The following LRBA variants were observed in gnomAD, a reference collection of about 807,000 sequenced individuals.
LRBA encodes LPS responsive beige-like anchor protein.
Under a neutral mutation model 330.0 loss-of-function variants are expected in LRBA, and 176 were observed. The ratio of observed to expected loss-of-function variants is 0.53; its 90% CI spans 0.47 to 0.60. The LOEUF is 0.60. Among genes scored for constraint, LRBA ranks in the 20% least tolerant of loss-of-function variants. The pLI is 0.00. For missense variants in LRBA, 3,259 were observed against 3,444.8 expected (o/e 0.95, Z 1.35); for synonymous variants, 1,230 against 1,193.0 (o/e 1.03, Z -0.64).
At chr4:150,503,640 A>G (rs1292169415) in intron 40 of LRBA, among the ~76,000 whole-genome samples, 1 of 152,194 alleles carries the variant, frequency 6.6e-6, no homozygotes, top group African/African-American at 2.4e-5. Context: ...AAAGATGGGG[A>G]AAAAACAGAG....
chr4:150,567,297 C>A (rs1371686447), intron 40 of LRBA, among the ~76,000 whole-genome samples: 1 of 151,978 alleles, frequency 6.6e-6, no homozygotes, highest in East Asian at 1.9e-4. Flanking sequence ...ACAAGATGCT[C>A]TTTTGAAAAT....
intron 2 of LRBA, among the ~76,000 whole-genome samples, chr4:150,995,553 T>TCC (rs1193024315): frequency 2.0e-4 from 31 of 152,132 alleles, no homozygotes; most frequent in African/African-American, 7.0e-4. Context: ...TGTTTCTGGA[T>TCC]AGAAACATTA....
chr4:150,612,835 A>G (rs1329521275), intron 37 of LRBA, among the ~76,000 whole-genome samples: 1 of 152,214 alleles, frequency 6.6e-6, no homozygotes, highest in Non-Finnish European at 1.5e-5. Flanking sequence ...CCATAAGAAA[A>G]GTAAAAACCC....
intron 47 of LRBA, among the ~76,000 whole-genome samples, chr4:150,362,197 A>C (rs1264922838): frequency 6.6e-6 from 1 of 152,132 alleles, no homozygotes; most frequent in African/African-American, 2.4e-5. Context: ...TAGGTCCTTC[A>C]TCTAGTCAGC....
At chr4:150,357,864 T>C (rs1007268364) in intron 47 of LRBA, among the ~76,000 whole-genome samples, 7 of 152,084 alleles carry the variant, frequency 4.6e-5, no homozygotes, top group Admixed American at 2.6e-4. Context: ...CCATGAAATT[T>C]CAAATACTTG....
At chr4:150,607,132 T>TA (rs1298529605) in intron 37 of LRBA, among the ~76,000 whole-genome samples, 1 of 152,062 alleles carries the variant, frequency 6.6e-6, no homozygotes. Context: ...AAAGCTAAGG[T>TA]AAAAAACATA....
Position 150,815,463 on chromosome 4 carries a change from C to A in LRBA, c.5305+1661G>T, listed in dbSNP as rs141631714. Among the ~76,000 whole-genome samples, 90 of 151,724 alleles carry A rather than the reference C, an allele frequency of 5.9e-4. No individual in the cohort carries two copies. The East Asian group carries it at 0.016, about 28-fold the overall frequency. On this transcript the variant is annotated intron_variant, in intron 31 of 56. Transcript: ENST00000651943. ...TTCTCACTGGGCCAGGGGAAACCAG[C>A]GAGGGAGAGAATGACAGGGTATTTG...
rs1307324134 is a variant in LRBA, at chr4:150,806,981, T to C, written c.5385-577A>G. On this transcript the variant is annotated intron_variant, in intron 32 of 56. Coordinates refer to ENST00000651943, the MANE Select transcript of LRBA (RefSeq NM_001364905.1). ...AAAACTATCATTTGGTTGATAGTTA[T>C]ATTTATTAATAAACTGAGATAGTTG... is the stretch of plus-strand genomic sequence containing the variant. Among the ~76,000 whole-genome samples, 5 of 151,662 alleles carry C rather than the reference T, an allele frequency of 3.3e-5. No individual in the cohort carries two copies. The East Asian group carries it at 5.8e-4, about 18-fold the overall frequency.
chr4:150,981,847 C>T (rs1236494931), intron 2 of LRBA, among the ~76,000 whole-genome samples: 1 of 151,632 alleles, frequency 6.6e-6, no homozygotes, highest in African/African-American at 2.4e-5. Context: ...CCTGTAGTCC[C>T]AGCTACTTGG....
At chr4:150,349,220 TG>T (rs1736814765) in intron 48 of LRBA, among the ~76,000 whole-genome samples, 1 of 152,126 alleles carries the variant, frequency 6.6e-6, no homozygotes, top group East Asian at 1.9e-4. Flanking sequence ...TAGGGAAAAA[TG>T]GCAAATCTCA....
chr4:150,324,188 A>G lies in LRBA; in HGVS notation c.7452+1621T>C, dbSNP rs779114887. Among the ~76,000 whole-genome samples, 4 of 152,310 alleles carry G rather than the reference A, an allele frequency of 2.6e-5. No individual in the cohort carries two copies. In the South Asian group the frequency reaches 8.3e-4, roughly 32 times the overall value. On this transcript the variant is annotated intron_variant, in intron 49 of 56. Coordinates refer to ENST00000651943, the MANE Select transcript of LRBA (RefSeq NM_001364905.1). ...GCCAATAAGCCTCTGCCATGGAAGA[A>G]GGCTGGGCAGTGACCCCAGCAGAAA...
chr4:150,437,650 A>G (rs918564593), intron 44 of LRBA, among the ~76,000 whole-genome samples: 2 of 151,736 alleles, frequency 1.3e-5, no homozygotes, highest in Non-Finnish European at 2.9e-5. Context: ...GCAATATAGC[A>G]ACATGGTGAA....
At chr4:150,384,606 G>A (rs1170734691) in intron 47 of LRBA, among the ~76,000 whole-genome samples, 2 of 152,032 alleles carry the variant, frequency 1.3e-5, no homozygotes, top group Non-Finnish European at 2.9e-5. Flanking sequence ...AATACCTTCA[G>A]GGAATTACGA....
intron 50 of LRBA, among the ~76,000 whole-genome samples, chr4:150,318,957 A>G (rs1732101482): frequency 6.6e-6 from 1 of 152,142 alleles, no homozygotes; most frequent in Non-Finnish European, 1.5e-5. Context: ...TCTACCCCTA[A>G]ATCACTTTAC....
chr4:150,528,100 T>G (rs1232890414), intron 40 of LRBA, among the ~76,000 whole-genome samples: 1 of 152,186 alleles, frequency 6.6e-6, no homozygotes, highest in Non-Finnish European at 1.5e-5. Context: ...ATCTGATGCT[T>G]GAATGATGAC....
At position 150,438,308 on chromosome 4, in the gene LRBA, C is replaced by T. The variant is rs116896571; in HGVS notation, c.6781-1444G>A. Among the ~76,000 whole-genome samples the T allele has an allele frequency of 5.1e-3, 769 of 152,110 alleles. 22 individuals carry two copies. Among genetic ancestry groups the T allele is most frequent in the Admixed American group, 0.035 (538 of 15,262 alleles). On this transcript the variant is annotated intron_variant, in intron 44 of 56. Transcript: ENST00000651943. Reference sequence around the variant, plus strand: ...ACCAGCCTGTGCAACATAGTGAGACCCTGTTTCTACAAAAAAATTTAAAAA... The same window carrying T: ...ACCAGCCTGTGCAACATAGTGAGACTCTGTTTCTACAAAAAAATTTAAAAA...
At chr4:150,315,700 C>A in intron 50 of LRBA, 77 bp from the exon 51 acceptor site, 1 of 867,450 alleles carries the variant, frequency 1.2e-6, no homozygotes, top group Non-Finnish European at 1.7e-6. Context: ...TAAGTCAAAC[C>A]TTATGTAGAA....
chr4:150,798,454 T>C (rs930085058), intron 33 of LRBA, among the ~76,000 whole-genome samples: 1 of 152,228 alleles, frequency 6.6e-6, no homozygotes, highest in Non-Finnish European at 1.5e-5. Flanking sequence ...ATCTACATTT[T>C]GTTTTGGAGA....
intron 40 of LRBA, among the ~76,000 whole-genome samples, chr4:150,578,248 G>C (rs948890549): frequency 9.2e-5 from 14 of 152,108 alleles, no homozygotes; most frequent in Admixed American, 2.0e-4. Context: ...ATAAAACATT[G>C]TAAGGTTAGC....
Sources: allele counts gnomAD v4.1 joint callset (sites outside exome capture counted in the v4.1 genomes callset), GRCh38; gene constraint gnomAD v4.1.1; transcripts MANE v1.5; gene names NCBI Gene and HGNC (gene_info 2026-07-23, HGNC 2026-07-21).